Variants in ROPN1 observed in about 807,000 individuals in gnomAD.
The protein encoded by ROPN1 is rhophilin associated tail protein 1, also known as ropporin-1A.
Under a neutral mutation model 20.5 loss-of-function variants are expected in ROPN1, and 14 were observed. The ratio of observed to expected loss-of-function variants is 0.68; its 90% CI spans 0.45 to 1.07. ROPN1 has a LOEUF of 1.07. ROPN1 is among the 50% of genes least tolerant of loss of function. The pLI is 0.00. For synonymous variants in ROPN1, 76 were observed against 95.7 expected (o/e 0.79, Z 1.20); for missense variants, 169 against 242.8 (o/e 0.70, Z 2.02).
chr3:123,972,292 A>G (rs2148990553), intron 4 of ROPN1, among the ~76,000 whole-genome samples: 1 of 152,330 alleles, frequency 6.6e-6, no homozygotes, highest in African/African-American at 2.4e-5. Flanking sequence ...AACTCTTTGG[A>G]CTGGAGCTAT....
chr3:123,977,061 T>C (rs1174648688), intron 2 of ROPN1, 80 bp from the exon 3 acceptor site: 15 of 1,424,256 alleles, frequency 1.1e-5, no homozygotes, highest in Non-Finnish European at 1.4e-5. Flanking sequence ...TTCCACCTTC[T>C]TCTGAGGGAA....
intron 4 of ROPN1, among the ~76,000 whole-genome samples, chr3:123,972,378 A>C (rs1168625183): frequency 6.6e-6 from 1 of 152,256 alleles, no homozygotes; most frequent in Non-Finnish European, 1.5e-5. Context: ...TCCGCTTCAC[A>C]GACATAATCT....
At chr3:123,975,944 A>T (rs1012671951) in intron 3 of ROPN1, among the ~76,000 whole-genome samples, 6 of 152,182 alleles carry the variant, frequency 3.9e-5, no homozygotes, top group Admixed American at 1.3e-4. Context: ...AGAACAAGAC[A>T]TAGGTCTGTT....
rs779478843 is a variant in ROPN1, at chr3:123,980,488, G to C, written c.-7C>G. 45 of 1,613,776 alleles carry C rather than the reference G, an allele frequency of 2.8e-5. No homozygotes were observed. Among genetic ancestry groups the C allele is most frequent in the Non-Finnish European group, 3.7e-5 (44 of 1,179,848 alleles). On this transcript the variant is annotated 5_prime_UTR_variant, in exon 2 of 6. Transcript: ENST00000405845. ...GCTTATCTGTCTGAGCCATTGATTG[G>C]TTGGCCTATTCTCAGGAGAAAAAAA...
At chr3:123,982,793 G>A (rs934744283) in intron 1 of ROPN1, among the ~76,000 whole-genome samples, 1 of 152,210 alleles carries the variant, frequency 6.6e-6, no homozygotes, top group African/African-American at 2.4e-5. Flanking sequence ...TCACATTGTT[G>A]TGCCACAATC....
intron 1 of ROPN1, among the ~76,000 whole-genome samples, chr3:123,991,710 T>C (rs1393683799): frequency 1.4e-5 from 2 of 147,728 alleles, no homozygotes; most frequent in Admixed American, 6.8e-5. Context: ...ATAATAGTAT[T>C]CTGGGTACAA....
At chr3:123,984,392 TC>T (rs2038209134) in intron 1 of ROPN1, among the ~76,000 whole-genome samples, 1 of 152,216 alleles carries the variant, frequency 6.6e-6, no homozygotes, top group South Asian at 2.1e-4. Context: ...CTGAGAGTCA[TC>T]CATTTTCTTC....
At position 123,976,923 on chromosome 3, in the gene ROPN1, C is replaced by G. The variant is rs1393240266; in HGVS notation, c.175G>C (p.Val59Leu). ...TPPVRERSER[V>L]ALCNRAELTP... ...AGCTCTGCCCGGTTACACAAAGCGACTCGCTCAGACCGCTCTCTCACCGGA... is the reference window on the plus strand; with the variant it reads ...AGCTCTGCCCGGTTACACAAAGCGAGTCGCTCAGACCGCTCTCTCACCGGA... The change falls in exon 3 of 6, where the codon GTC (valine) becomes CTC (leucine). Residue 59 changes from valine to leucine, a missense_variant. This residue lies in a region of ROPN1 where 84 missense variants were observed against 99.3 expected (regional missense o/e 0.85). Coordinates refer to ENST00000405845, the MANE Select transcript of ROPN1 (RefSeq NM_001317774.2). 1.2e-6 allele frequency: 2 copies of G among 1,614,074 alleles called. No homozygotes were observed. The highest frequency in any genetic ancestry group is 1.7e-6 in the Non-Finnish European group (2 of 1,180,034).
intron 2 of ROPN1, chr3:123,978,809 T>C (rs2038075812): frequency 6.5e-6 from 1 of 153,098 alleles, no homozygotes; most frequent in African/African-American, 2.4e-5. Context: ...ATGCCCTCCT[T>C]TTTCATTGTG....
chr3:123,978,117 C>G (rs1014812870), intron 2 of ROPN1, among the ~76,000 whole-genome samples: 18 of 152,164 alleles, frequency 1.2e-4, no homozygotes, highest in East Asian at 1.9e-4. Flanking sequence ...ATGGGCTAAC[C>G]ATTGCCTGTC....
chr3:123,978,102 C>T (rs1328647158), intron 2 of ROPN1, among the ~76,000 whole-genome samples: 1 of 152,172 alleles, frequency 6.6e-6, no homozygotes, highest in African/African-American at 2.4e-5. Context: ...TCAAGCCATA[C>T]AATGATGGGC....
chr3:123,972,249 T>C (rs2148990535), intron 4 of ROPN1, among the ~76,000 whole-genome samples: 1 of 152,376 alleles, frequency 6.6e-6, no homozygotes, highest in Admixed American at 6.5e-5. Context: ...TTAAGTATTT[T>C]TAAAGATTTA....
rs201127573 is a variant in ROPN1 at position 123,973,035 on chromosome 3, T to G, written c.396+2344A>C. ...CCTCACTTGGTGGAGGGGCAACTTT[T>G]ATAAGGGCACTAATCCCATTCATGA... On this transcript the variant is annotated intron_variant, in intron 4 of 5. Coordinates refer to ENST00000405845, the MANE Select transcript of ROPN1 (RefSeq NM_001317774.2). Among the ~76,000 whole-genome samples the G allele has an allele frequency of 3.3e-4, 50 of 152,266 alleles. No individual in the cohort carries two copies. In the East Asian group the frequency reaches 9.1e-3, roughly 28 times the overall value.
chr3:123,979,021 GTCTA>G (rs76220106), intron 2 of ROPN1: 19,169 of 170,538 alleles, frequency 0.11, 2,625 homozygotes, highest in East Asian at 0.35. Flanking sequence ...GATAAAGTCT[GTCTA>G]TCTGACTATG....
intron 1 of ROPN1, among the ~76,000 whole-genome samples, chr3:123,983,506 A>T (rs2038191235): frequency 6.6e-6 from 1 of 152,218 alleles, no homozygotes; most frequent in Non-Finnish European, 1.5e-5. Flanking sequence ...CAACAGTAAC[A>T]ATGTTAACCC....
At chr3:123,976,776 G>C in intron 3 of ROPN1, 88 bp downstream of exon 3, 1 of 1,306,742 alleles carries the variant, frequency 7.7e-7, no homozygotes, top group South Asian at 1.5e-5. Flanking sequence ...TCAGCTGACT[G>C]TCAGGAGAAC....
At chr3:123,977,043 A>G in intron 2 of ROPN1, 62 bp from the exon 3 acceptor site, 17 of 1,494,398 alleles carry the variant, frequency 1.1e-5, no homozygotes, top group Non-Finnish European at 1.5e-5. Flanking sequence ...TGGCTGTTCT[A>G]GCAATCCTTC....
intron 1 of ROPN1, among the ~76,000 whole-genome samples, chr3:123,990,806 T>C (rs1233911105): frequency 6.6e-6 from 1 of 152,182 alleles, no homozygotes; most frequent in Non-Finnish European, 1.5e-5. Context: ...GGCCAACATA[T>C]ACCTGCCAAG....
intron 4 of ROPN1, among the ~76,000 whole-genome samples, chr3:123,971,869 A>G (rs1182953594): frequency 6.6e-6 from 1 of 152,198 alleles, no homozygotes; most frequent in East Asian, 1.9e-4. Flanking sequence ...CCTTAACCCC[A>G]GAACTGGAGA....
Sources: allele counts gnomAD v4.1 joint callset (sites outside exome capture counted in the v4.1 genomes callset), GRCh38; gene constraint gnomAD v4.1.1; regional missense constraint gnomAD v4.1.1; transcripts MANE v1.5; gene names NCBI Gene and HGNC (gene_info 2026-07-23, HGNC 2026-07-21).